Variants in OPCML observed in about 807,000 individuals in gnomAD.
OPCML encodes the protein opioid binding protein/cell adhesion molecule like.
OPCML carries 13 observed loss-of-function variants against 37.8 expected under a neutral mutation model. That is an observed-to-expected ratio of 0.34 (90% CI 0.22 to 0.55). The LOEUF (loss-of-function observed/expected upper bound fraction) is 0.55, where lower values mean the gene tolerates loss of function less well. Among genes scored for constraint, OPCML ranks in the 20% least tolerant of loss-of-function variants. The pLI is 0.91. For missense variants in OPCML, 341 were observed against 435.6 expected, an observed-to-expected ratio of 0.78 and a Z score of 1.93; for synonymous variants, 176 against 168.8, an observed-to-expected ratio of 1.04 and a Z score of -0.33.
chr11:132,646,535 G>A (rs1941160328), intron 3 of OPCML, among the ~76,000 whole-genome samples: 1 of 152,108 alleles, frequency 6.6e-6, no homozygotes, highest in Admixed American at 6.5e-5. Flanking sequence ...ATGAGGATTA[G>A]GTATCAATTA....
At chr11:133,304,958 C>T (rs1942874477) in intron 1 of OPCML, among the ~76,000 whole-genome samples, 1 of 152,088 alleles carries the variant, frequency 6.6e-6, no homozygotes, top group African/African-American at 2.4e-5. Context: ...AAAGACCCAC[C>T]TACACCAAGA....
chr11:132,608,625 G>A (rs1012050613), intron 3 of OPCML, among the ~76,000 whole-genome samples: 4 of 152,042 alleles, frequency 2.6e-5, no homozygotes, highest in African/African-American at 7.2e-5. Context: ...TGATTATGTC[G>A]CTCTTTGCAA....
chr11:132,438,803 G>A (rs1322581837), intron 4 of OPCML, among the ~76,000 whole-genome samples: 1 of 151,966 alleles, frequency 6.6e-6, no homozygotes, highest in Non-Finnish European at 1.5e-5. Flanking sequence ...GGTATAGGGG[G>A]TAAGGAGGCA....
chr11:133,128,274 G>A (rs980847445), intron 1 of OPCML, among the ~76,000 whole-genome samples: 3 of 152,152 alleles, frequency 2.0e-5, no homozygotes, highest in Non-Finnish European at 4.4e-5. Flanking sequence ...CCCTATGGAG[G>A]TGGAATCCAG....
intron 4 of OPCML, 83 bp downstream of exon 4, chr11:132,528,978 C>A: frequency 1.4e-6 from 1 of 735,540 alleles, no homozygotes; most frequent in Admixed American, 2.6e-5. Context: ...AAAATGTTTT[C>A]TGATTCCTGA....
intron 2 of OPCML, among the ~76,000 whole-genome samples, chr11:132,697,650 C>T (rs1316220044): frequency 3.9e-5 from 6 of 152,112 alleles, no homozygotes; most frequent in African/African-American, 1.2e-4. Flanking sequence ...ATATAGAACA[C>T]GTTCTTTATC....
At position 133,211,022 on chromosome 11, in the gene OPCML, T is replaced by G. The variant is rs540832053; in HGVS notation, c.62-268012A>C. On this transcript the variant is annotated intron_variant, in intron 1 of 7. Transcript: ENST00000524381. This position sits in a 1 kb window ranked among gnomAD's most constrained non-coding sequence, Gnocchi z 4.1. Reference sequence around the variant, plus strand: ...AGCTGAAAAACAAAAATTAAAAAAATGTGCAGAGAAGTCTCTCTACAAACT... The same window carrying G: ...AGCTGAAAAACAAAAATTAAAAAAAGGTGCAGAGAAGTCTCTCTACAAACT... Among the ~76,000 whole-genome samples, 13 of 152,274 alleles carry G rather than the reference T, an allele frequency of 8.5e-5. No homozygotes were observed. The highest frequency in any genetic ancestry group is 7.8e-4 in the Admixed American group (12 of 15,292).
intron 1 of OPCML, among the ~76,000 whole-genome samples, chr11:133,327,930 G>T (rs1284189792): frequency 6.6e-6 from 1 of 152,106 alleles, no homozygotes; most frequent in Non-Finnish European, 1.5e-5. Context: ...ACACTTGGAG[G>T]TATTCAGAGA....
In OPCML at chr11:132,836,549, A is replaced by T. The variant is rs181639246; in HGVS notation, c.146+106377T>A. Reference sequence around the variant, plus strand: ...GTGTTACTTCATCTGCTAGAGGATAAATTTAACCTCATTGGATTATGACAG... The same window carrying T: ...GTGTTACTTCATCTGCTAGAGGATATATTTAACCTCATTGGATTATGACAG... On this transcript the variant is annotated intron_variant, in intron 2 of 7. Transcript: ENST00000524381. 3.2e-4 allele frequency among the ~76,000 whole-genome samples: 48 copies of T among 152,332 alleles called. No individual in the cohort carries two copies. In the East Asian group the frequency reaches 8.5e-3, roughly 27 times the overall value.
At chr11:132,624,389 C>G (rs1939613070) in intron 3 of OPCML, among the ~76,000 whole-genome samples, 1 of 152,200 alleles carries the variant, frequency 6.6e-6, no homozygotes, top group Non-Finnish European at 1.5e-5. Flanking sequence ...TTTCACATTT[C>G]TCAATAGATT....
intron 1 of OPCML, among the ~76,000 whole-genome samples, chr11:133,037,496 C>T (rs1343707119): frequency 1.3e-5 from 2 of 152,118 alleles, no homozygotes; most frequent in Non-Finnish European, 2.9e-5. Context: ...CTTCTTGTAA[C>T]CTAGCTGCAG....
chr11:133,332,781 A>T (rs1943650379), intron 1 of OPCML, among the ~76,000 whole-genome samples: 1 of 152,200 alleles, frequency 6.6e-6, no homozygotes, highest in Non-Finnish European at 1.5e-5. Flanking sequence ...ATGTTGAACC[A>T]ACCTTGCCTG....
chr11:132,476,204 C>A (rs913568570), intron 4 of OPCML, among the ~76,000 whole-genome samples: 3 of 152,142 alleles, frequency 2.0e-5, no homozygotes, highest in Non-Finnish European at 2.9e-5. Flanking sequence ...ATTAAGCCAC[C>A]TTTAAAAAAG....
At chr11:132,446,049 G>A (rs1218507740) in intron 4 of OPCML, among the ~76,000 whole-genome samples, 3 of 149,288 alleles carry the variant, frequency 2.0e-5, no homozygotes. Context: ...GAAGACAAGA[G>A]GCTTCTTTCC....
intron 1 of OPCML, chr11:133,117,833 A>G: frequency 1.0e-6 from 1 of 983,480 alleles, no homozygotes; most frequent in Non-Finnish European, 1.2e-6. Context: ...TAATTACAAT[A>G]ATACCAATAA....
At chr11:133,077,654 A>T (rs115191534) in intron 1 of OPCML, among the ~76,000 whole-genome samples, 2,580 of 152,310 alleles carry the variant, frequency 0.017, 60 homozygotes, top group African/African-American at 0.058. Context: ...AAATATGTTA[A>T]CAGTCAACTC....
chr11:133,073,576 C>G (rs947317791), intron 1 of OPCML, among the ~76,000 whole-genome samples: 1 of 152,244 alleles, frequency 6.6e-6, no homozygotes, highest in Non-Finnish European at 1.5e-5. Flanking sequence ...ACTGCAGGCT[C>G]CTTGGGGGTA....
chr11:132,973,751 T>C (rs1402159225), intron 1 of OPCML, among the ~76,000 whole-genome samples: 3 of 152,212 alleles, frequency 2.0e-5, no homozygotes, highest in Non-Finnish European at 4.4e-5. Context: ...CTTTCCACAA[T>C]GACTTTTCCA....
chr11:133,389,430 G>T (rs1210318094), intron 1 of OPCML, among the ~76,000 whole-genome samples: 2 of 152,118 alleles, frequency 1.3e-5, no homozygotes, highest in African/African-American at 4.8e-5. Context: ...GACCTCGCCG[G>T]TTAAGGCATC....
Sources: gnomAD v4.1 joint callset for allele counts (sites outside exome capture counted in the v4.1 genomes callset) on GRCh38, gnomAD v4.1.1 for gene constraint, Gnocchi (gnomAD v3.1) non-coding constraint, MANE v1.5 for transcripts, NCBI Gene and HGNC (gene_info 2026-07-23, HGNC 2026-07-21) for gene names.